KIF6: variants seen among roughly 807,000 people sequenced by gnomAD.
KIF6 encodes kinesin-like protein KIF6.
KIF6 carries 106 observed loss-of-function variants against 112.7 expected under a neutral mutation model. The observed-to-expected ratio is 0.94, with a 90% CI of 0.80 to 1.11. KIF6 has a LOEUF of 1.11. Ranked by LOEUF, KIF6 falls within the 50% of genes least tolerant of loss-of-function variation. The pLI, the probability that KIF6 is intolerant of heterozygous loss-of-function variation, is 0.00. For synonymous variants in KIF6, 339 were observed against 339.9 expected (o/e 1.00, Z 0.03); for missense variants, 929 against 964.0 (o/e 0.96, Z 0.48).
chr6:39,667,235 G>A (rs1786529470), intron 3 of KIF6, among the ~76,000 whole-genome samples: 1 of 140,498 alleles, frequency 7.1e-6, no homozygotes, highest in South Asian at 2.6e-4. Flanking sequence ...GAAAGCCAGC[G>A]ACCCTGGGAT....
chr6:39,445,476 C>T (rs185551094), intron 13 of KIF6, among the ~76,000 whole-genome samples: 2 of 152,288 alleles, frequency 1.3e-5, no homozygotes, highest in African/African-American at 2.4e-5. Context: ...TGAGTGTCTA[C>T]GCTATTGACA....
intron 13 of KIF6, among the ~76,000 whole-genome samples, chr6:39,491,901 G>A (rs1001995951): frequency 2.0e-5 from 3 of 152,164 alleles, no homozygotes; most frequent in African/African-American, 7.2e-5. Context: ...TGTTGAGGGT[G>A]CTATCTGGCT....
chr6:39,404,258 AAG>A (rs1178194065), intron 15 of KIF6, among the ~76,000 whole-genome samples: 1 of 152,222 alleles, frequency 6.6e-6, no homozygotes, highest in Non-Finnish European at 1.5e-5. Context: ...CCCAGACATG[AAG>A]AGTTTCTCAT....
chr6:39,686,628 A>G (rs949439262), intron 3 of KIF6, among the ~76,000 whole-genome samples: 2 of 152,180 alleles, frequency 1.3e-5, no homozygotes, highest in Non-Finnish European at 2.9e-5. Flanking sequence ...GTGAACTGCA[A>G]AGAAACCCTG....
chr6:39,567,992 T>C (rs796585100), intron 10 of KIF6, among the ~76,000 whole-genome samples: 19 of 152,278 alleles, frequency 1.2e-4, no homozygotes, highest in African/African-American at 4.1e-4. Flanking sequence ...GAATGGTTCA[T>C]GAAAGAAGCC....
chr6:39,436,776 G>C (rs961880520), intron 13 of KIF6, among the ~76,000 whole-genome samples: 2 of 152,124 alleles, frequency 1.3e-5, no homozygotes, highest in Admixed American at 1.3e-4. Flanking sequence ...TAGCTTTGTA[G>C]TGTAATTTGA....
intron 10 of KIF6, among the ~76,000 whole-genome samples, chr6:39,552,429 C>G (rs1259734815): frequency 6.6e-6 from 1 of 152,174 alleles, no homozygotes; most frequent in Admixed American, 6.5e-5. Context: ...ATTATTATCA[C>G]TCTTTCACAG....
intron 15 of KIF6, among the ~76,000 whole-genome samples, chr6:39,399,696 G>T (rs1768543866): frequency 6.6e-6 from 1 of 152,226 alleles, no homozygotes; most frequent in Non-Finnish European, 1.5e-5. Context: ...TTTTCTTGGA[G>T]CAGGCCTGCC....
rs547064688 is a variant in KIF6, at chr6:39,708,199, G to A, written c.251+6493C>T. Among the ~76,000 whole-genome samples, 241 of 152,248 alleles carry A rather than the reference G, an allele frequency of 1.6e-3. 1 individual carries two copies. Among genetic ancestry groups the A allele is most frequent in the African/African-American group, 5.1e-3 (213 of 41,536 alleles). On this transcript the variant is annotated intron_variant, in intron 3 of 22. Transcript: ENST00000287152. Reference sequence around the variant, plus strand: ...TGACCTTGGCACAACTGAGAGTGTGGTACTGCCCCCTGCCATGAGAAAATC... The same window carrying A: ...TGACCTTGGCACAACTGAGAGTGTGATACTGCCCCCTGCCATGAGAAAATC...
intron 2 of KIF6, among the ~76,000 whole-genome samples, chr6:39,719,113 G>A (rs1366337661): frequency 1.3e-5 from 2 of 152,230 alleles, no homozygotes; most frequent in Admixed American, 1.3e-4. Flanking sequence ...GAGATCAGAA[G>A]TTCGAGACCA....
At chr6:39,552,534 C>T (rs1314279891) in intron 10 of KIF6, among the ~76,000 whole-genome samples, 1 of 152,172 alleles carries the variant, frequency 6.6e-6, no homozygotes, top group Non-Finnish European at 1.5e-5. Context: ...ATTCTTTTGA[C>T]TCAAGAATCC....
intron 3 of KIF6, among the ~76,000 whole-genome samples, chr6:39,658,842 T>A (rs897298844): frequency 6.6e-6 from 1 of 152,186 alleles, no homozygotes; most frequent in Non-Finnish European, 1.5e-5. Flanking sequence ...CCTACTTGAA[T>A]GCACAAAAAA....
At chr6:39,358,117 A>G (rs1288352679) in intron 18 of KIF6, among the ~76,000 whole-genome samples, 1 of 152,236 alleles carries the variant, frequency 6.6e-6, no homozygotes, top group Non-Finnish European at 1.5e-5. Context: ...GTCCCCACAT[A>G]GGCCTCAAGA....
chr6:39,680,816 T>C (rs962610005), intron 3 of KIF6, among the ~76,000 whole-genome samples: 1 of 152,178 alleles, frequency 6.6e-6, no homozygotes, highest in African/African-American at 2.4e-5. Context: ...AACATGTATT[T>C]AAAACCCTTT....
chr6:39,599,519 G>A (rs758002913), intron 6 of KIF6, among the ~76,000 whole-genome samples: 1 of 152,172 alleles, frequency 6.6e-6, no homozygotes, highest in Non-Finnish European at 1.5e-5. Flanking sequence ...CCCATTACTT[G>A]TTGCCACAAT....
intron 13 of KIF6, among the ~76,000 whole-genome samples, chr6:39,504,274 G>A (rs529520318): frequency 1.3e-4 from 20 of 152,202 alleles, no homozygotes; most frequent in African/African-American, 4.3e-4. Context: ...TATCTCAATC[G>A]AAGCAGAAAA....
chr6:39,341,774 A>G (rs1003674171), intron 22 of KIF6, among the ~76,000 whole-genome samples: 1 of 152,102 alleles, frequency 6.6e-6, no homozygotes, highest in Admixed American at 6.5e-5. Flanking sequence ...TGCTCAGATC[A>G]AAAGCCCAGG....
At chr6:39,405,870 G>A (rs1394020136) in intron 15 of KIF6, among the ~76,000 whole-genome samples, 1 of 152,200 alleles carries the variant, frequency 6.6e-6, no homozygotes, top group Non-Finnish European at 1.5e-5. Context: ...TAGATGGTAT[G>A]AAACCATTCA....
At chr6:39,426,082 G>C (rs1770744171) in intron 14 of KIF6, among the ~76,000 whole-genome samples, 1 of 152,178 alleles carries the variant, frequency 6.6e-6, no homozygotes. Context: ...ATGGGACTCT[G>C]AGACTGATGG....
Sources: gnomAD v4.1 joint callset for allele counts (sites outside exome capture counted in the v4.1 genomes callset) on GRCh38, gnomAD v4.1.1 for gene constraint, MANE v1.5 for transcripts, NCBI Gene and HGNC (gene_info 2026-07-23, HGNC 2026-07-21) for gene names.